Variants in PCDHA5 observed in about 807,000 individuals in gnomAD.
PCDHA5 encodes protocadherin alpha 5, also known as protocadherin alpha-5.
Under a neutral mutation model 61.6 loss-of-function variants are expected in PCDHA5, and 43 were observed. The ratio of observed to expected loss-of-function variants is 0.70; its 90% CI spans 0.55 to 0.90. The LOEUF (loss-of-function observed/expected upper bound fraction) is 0.90. Ranked by LOEUF, PCDHA5 falls within the 40% of genes least tolerant of loss-of-function variation. The pLI is 0.00. For missense variants in PCDHA5, 1,298 were observed against 1,222.7 expected (o/e 1.06, Z -0.92); for synonymous variants, 627 against 543.9 (o/e 1.15, Z -2.13).
At chr5:140,856,405 C>A in intron 1 of PCDHA5, 1 of 1,598,432 alleles carries the variant, frequency 6.3e-7, no homozygotes, top group Non-Finnish European at 8.6e-7. Flanking sequence ...TCCATGTGGA[C>A]GTGGAAGTGA....
At chr5:140,936,925 T>C (rs1554211273) in intron 1 of PCDHA5, among the ~76,000 whole-genome samples, 2 of 152,208 alleles carry the variant, frequency 1.3e-5, no homozygotes, top group African/African-American at 2.4e-5. Context: ...AAATATGGGG[T>C]ATATTGAAAA....
chr5:140,992,352 G>C (rs1554252825), intron 3 of PCDHA5, among the ~76,000 whole-genome samples: 1 of 152,162 alleles, frequency 6.6e-6, no homozygotes, highest in African/African-American at 2.4e-5. Context: ...TGTGGAGAGA[G>C]GAGAAAAATG....
At chr5:140,966,955 C>T in intron 1 of PCDHA5, 1 of 1,602,734 alleles carries the variant, frequency 6.2e-7, no homozygotes, top group East Asian at 2.2e-5. Context: ...ACGTGGCTCG[C>T]GCGCTGGGGC....
rs1554206642 is a variant in PCDHA5, at chr5:140,929,061, G to C, written c.2353-49888G>C. The C allele has an allele frequency of 3.1e-6, 5 of 1,614,196 alleles. No individual in the cohort carries two copies. In the South Asian group the frequency reaches 5.5e-5, roughly 18 times the overall value. On this transcript the variant is annotated intron_variant, in intron 1 of 3. Transcript: ENST00000529859. Reference sequence around the variant, plus strand: ...CTCAGAGCTGCTGTCGCTCTACAGAGGATCTGAGGTATGGAAGTAAGATGG... The same window carrying C: ...CTCAGAGCTGCTGTCGCTCTACAGACGATCTGAGGTATGGAAGTAAGATGG...
chr5:140,943,522 G>T (rs2093513187), intron 1 of PCDHA5, among the ~76,000 whole-genome samples: 1 of 152,144 alleles, frequency 6.6e-6, no homozygotes, highest in Non-Finnish European at 1.5e-5. Flanking sequence ...GTTGAGTTCA[G>T]TATGCAAAAT....
chr5:140,899,050 G>A (rs1554188361), intron 1 of PCDHA5, among the ~76,000 whole-genome samples: 2 of 152,016 alleles, frequency 1.3e-5, no homozygotes, highest in African/African-American at 4.8e-5. Context: ...TGTATCCTGA[G>A]ACTTTGCTGA....
intron 1 of PCDHA5, chr5:140,857,535 G>A (rs1413308998): frequency 1.9e-6 from 3 of 1,597,418 alleles, no homozygotes; most frequent in Non-Finnish European, 2.6e-6. Flanking sequence ...CTGGTGGAGC[G>A]GCGGTTGGGC....
chr5:140,948,276 G>A (rs375889469), intron 1 of PCDHA5, among the ~76,000 whole-genome samples: 1 of 151,520 alleles, frequency 6.6e-6, no homozygotes, highest in East Asian at 1.9e-4. Context: ...TAGAATATCT[G>A]TAAATAATTT....
chr5:140,966,290 G>A (rs2095989541), intron 1 of PCDHA5: 3 of 375,186 alleles, frequency 8.0e-6, no homozygotes, highest in Non-Finnish European at 1.4e-5. Flanking sequence ...GGGGTAGGGA[G>A]AAAGGGAGTG....
chr5:140,915,138 G>A (rs139042327), intron 1 of PCDHA5, among the ~76,000 whole-genome samples: 2,353 of 151,838 alleles, frequency 0.015, 60 homozygotes, highest in African/African-American at 0.053. Context: ...TAGTAGAGAC[G>A]GGGTTTCACC....
intron 3 of PCDHA5, among the ~76,000 whole-genome samples, chr5:140,999,225 G>C (rs543011633): frequency 1.3e-5 from 2 of 152,222 alleles, no homozygotes; most frequent in Non-Finnish European, 2.9e-5. Context: ...CTACATTTGA[G>C]AATAGGTGGT....
chr5:140,984,178 A>C (rs2097090747), intron 3 of PCDHA5, among the ~76,000 whole-genome samples: 1 of 152,184 alleles, frequency 6.6e-6, no homozygotes, highest in South Asian at 2.1e-4. Context: ...AGCCACGTGA[A>C]ATCATGACTT....
At chr5:140,854,178 A>AAATT in intron 1 of PCDHA5, 2 of 531,176 alleles carry the variant, frequency 3.8e-6, no homozygotes, top group Non-Finnish European at 4.8e-6. Flanking sequence ...AAAAAAAAAG[A>AAATT]GTAGTTTAAC....
rs2150214533 is a variant in PCDHA5, at chr5:140,834,253, C to T, written c.2352+10126C>T. On this transcript the variant is annotated intron_variant, in intron 1 of 3. Transcript: ENST00000529859. ...GTCATTCCTTTTCGCACTGGAAAGA[C>T]GCTCCACTCTCTTTCACTCTTTGGA... The T allele has an allele frequency of 2.7e-5, 25 of 919,776 alleles. No homozygotes were observed. The East Asian group carries it at 5.9e-4, about 22-fold the overall frequency. The allele number at this position is 919,776 out of a possible 1,614,324, so 57.0% of individuals were successfully genotyped here. A position where few individuals can be genotyped will look rare whatever the true frequency, so the allele number is the denominator to read the frequency against.
rs561529051 is a variant in PCDHA5 at position 140,929,034 on chromosome 5, C to G, written c.2353-49915C>G. On this transcript the variant is annotated intron_variant, in intron 1 of 3. Transcript: ENST00000529859. ...AGTTGCACCAGAGCCCAGGCTGTTGCGCTCAGAGCTGCTGTCGCTCTACAG... is the reference window on the plus strand; with the variant it reads ...AGTTGCACCAGAGCCCAGGCTGTTGGGCTCAGAGCTGCTGTCGCTCTACAG... 2.8e-5 allele frequency: 46 copies of G among 1,614,040 alleles called. No homozygotes were observed. The South Asian group carries it at 4.8e-4, about 17-fold the overall frequency.
At chr5:140,849,937 A>T (rs1554143515) in intron 1 of PCDHA5, 3 of 1,598,056 alleles carry the variant, frequency 1.9e-6, no homozygotes, top group Non-Finnish European at 2.6e-6. Flanking sequence ...TCTGCGCGGG[A>T]CGCTGACGCG....
intron 1 of PCDHA5, chr5:140,875,642 C>A: frequency 6.2e-7 from 1 of 1,613,606 alleles, no homozygotes; most frequent in Non-Finnish European, 8.5e-7. Flanking sequence ...CTGGAGCTGG[C>A]GGAGCTGGTG....
chr5:140,848,437 A>G lies in PCDHA5; in HGVS notation c.2352+24310A>G. ...AGCAGAATGGGACTGACGAAATCAGATGATTTCTTCTAATTTGGAGGCAAT... is the reference window on the plus strand; with the variant it reads ...AGCAGAATGGGACTGACGAAATCAGGTGATTTCTTCTAATTTGGAGGCAAT... On this transcript the variant is annotated intron_variant, in intron 1 of 3. Transcript: ENST00000529859. 4 of 1,473,718 alleles carry G rather than the reference A, an allele frequency of 2.7e-6. 1 individual carries two copies. Among genetic ancestry groups the G allele is most frequent in the Admixed American group, 1.9e-5 (1 of 52,040 alleles). 91.3% of individuals were successfully genotyped at this position (1,473,718 alleles called of 1,614,324 possible). A position where few individuals can be genotyped will look rare whatever the true frequency, so the allele number is the denominator to read the frequency against.
chr5:140,828,565 C>T (rs2150156833), intron 1 of PCDHA5: 65 of 1,614,050 alleles, frequency 4.0e-5, no homozygotes, highest in Admixed American at 6.7e-5. Context: ...AGGGCGCGTC[C>T]GATGCAGATG....
Sources: allele counts gnomAD v4.1 joint callset (sites outside exome capture counted in the v4.1 genomes callset), GRCh38; gene constraint gnomAD v4.1.1; transcripts MANE v1.5; gene names NCBI Gene and HGNC (gene_info 2026-07-23, HGNC 2026-07-21).